MBD5: variants seen among roughly 807,000 people sequenced by gnomAD.
The protein encoded by MBD5 is methyl-CpG binding domain protein 5, also known as methyl-CpG-binding domain protein 5.
Under a neutral mutation model 117.3 loss-of-function variants are expected in MBD5, and 13 were observed. That is an observed-to-expected ratio of 0.11 (90% CI 0.07 to 0.18). The LOEUF (loss-of-function observed/expected upper bound fraction) is 0.18, where lower values mean the gene tolerates loss of function less well. MBD5 is among the 10% of genes least tolerant of loss of function. The pLI is 1.00. For synonymous variants in MBD5, 727 were observed against 766.4 expected (o/e 0.95, Z 0.85); for missense variants, 1,879 against 2,093.8 (o/e 0.90, Z 2.00).
chr2:148,134,293 T>C (rs551676513), intron 1 of MBD5, among the ~76,000 whole-genome samples: 7 of 152,304 alleles, frequency 4.6e-5, no homozygotes, highest in African/African-American at 1.7e-4. Context: ...CACCCATATA[T>C]ACATATATGT....
At chr2:148,396,097 C>T (rs1704706165) in intron 4 of MBD5, among the ~76,000 whole-genome samples, 1 of 152,158 alleles carries the variant, frequency 6.6e-6, no homozygotes, top group South Asian at 2.1e-4. Flanking sequence ...ACATTCTCAT[C>T]TCTCATTAAC....
chr2:148,400,489 C>A (rs1293640336), intron 4 of MBD5, among the ~76,000 whole-genome samples: 2 of 152,164 alleles, frequency 1.3e-5, no homozygotes, highest in African/African-American at 4.8e-5. Flanking sequence ...GATCCTAGCT[C>A]CCATTCCACC....
At chr2:148,350,164 A>G (rs1703217641) in intron 4 of MBD5, among the ~76,000 whole-genome samples, 1 of 151,968 alleles carries the variant, frequency 6.6e-6, no homozygotes, top group Non-Finnish European at 1.5e-5. Flanking sequence ...TGGGGCCTGT[A>G]ATCTCACCTA....
intron 3 of MBD5, among the ~76,000 whole-genome samples, chr2:148,308,830 A>G (rs551796109): frequency 1.3e-5 from 2 of 152,142 alleles, no homozygotes; most frequent in Admixed American, 6.5e-5. Context: ...TCATTTTTCT[A>G]TAAAGTGTAA....
intron 4 of MBD5, among the ~76,000 whole-genome samples, chr2:148,394,450 A>G (rs986055906): frequency 6.6e-6 from 1 of 150,466 alleles, no homozygotes; most frequent in African/African-American, 2.4e-5. Flanking sequence ...CTATCTTCAA[A>G]TATTTTAGTA....
chr2:148,380,080 C>T (rs1704092785), intron 4 of MBD5, among the ~76,000 whole-genome samples: 1 of 151,962 alleles, frequency 6.6e-6, no homozygotes, highest in African/African-American at 2.4e-5. Flanking sequence ...AAACACCAAC[C>T]AAAACAAAAC....
chr2:148,052,962 C>CAAA (rs780207792), intron 1 of MBD5, among the ~76,000 whole-genome samples: 72 of 102,638 alleles, frequency 7.0e-4, no homozygotes, highest in Admixed American at 6.9e-4. Context: ...GAGTTCGTCT[C>CAAA]AAAAAAAAAA....
chr2:148,212,325 T>A (rs1699443338), intron 2 of MBD5, among the ~76,000 whole-genome samples: 1 of 152,198 alleles, frequency 6.6e-6, no homozygotes, highest in African/African-American at 2.4e-5. Context: ...TTAAGTGGAA[T>A]CATACAATAC....
chr2:148,289,468 G>T (rs188188685), intron 3 of MBD5, among the ~76,000 whole-genome samples: 42 of 151,972 alleles, frequency 2.8e-4, no homozygotes, highest in African/African-American at 9.4e-4. Flanking sequence ...TACAACTCTT[G>T]GAAAACAACT....
chr2:148,045,974 CTTTTTTTTTTTTTTT>C (rs59672002), intron 1 of MBD5, among the ~76,000 whole-genome samples: 2 of 77,482 alleles, frequency 2.6e-5, no homozygotes, highest in African/African-American at 5.3e-5. Flanking sequence ...AATGAAGTGC[CTTTTTTTTTTTTTTT>C]TTTTTTTTTT....
chr2:148,059,566 G>A (rs1328711093), intron 1 of MBD5, among the ~76,000 whole-genome samples: 1 of 152,170 alleles, frequency 6.6e-6, no homozygotes, highest in Non-Finnish European at 1.5e-5. Flanking sequence ...TGTCGAAGGA[G>A]GCCGGGCGCG....
chr2:148,168,674 T>C (rs187894097), intron 1 of MBD5, among the ~76,000 whole-genome samples: 1 of 151,890 alleles, frequency 6.6e-6, no homozygotes, highest in Non-Finnish European at 1.5e-5. Flanking sequence ...GCCCAAGAGG[T>C]CAAGGCTGTG....
intron 3 of MBD5, among the ~76,000 whole-genome samples, chr2:148,271,014 A>G (rs1700973861): frequency 6.6e-6 from 1 of 152,212 alleles, no homozygotes; most frequent in South Asian, 2.1e-4. Context: ...AAAGATAGGA[A>G]TATGAGCTCA....
At chr2:148,352,994 A>G (rs1368928273) in intron 4 of MBD5, among the ~76,000 whole-genome samples, 2 of 152,116 alleles carry the variant, frequency 1.3e-5, no homozygotes, top group Non-Finnish European at 2.9e-5. Context: ...AATTTTACTC[A>G]AAAGACTTGG....
At chr2:148,188,391 A>G (rs80097391) in intron 2 of MBD5, among the ~76,000 whole-genome samples, 1,869 of 152,302 alleles carry the variant, frequency 0.012, 44 homozygotes, top group African/African-American at 0.042. Flanking sequence ...GATAAAGTAG[A>G]ATACTAGAGA....
chr2:148,086,983 G>A (rs993742595), intron 1 of MBD5, among the ~76,000 whole-genome samples: 3 of 152,132 alleles, frequency 2.0e-5, no homozygotes, highest in African/African-American at 7.2e-5. Context: ...AAAAATACAT[G>A]ATAGGTGATT....
chr2:148,457,922 C>T (rs562109706), intron 4 of MBD5, among the ~76,000 whole-genome samples: 2 of 152,060 alleles, frequency 1.3e-5, no homozygotes, highest in East Asian at 1.9e-4. Flanking sequence ...CTTATGTGTA[C>T]GTTTGTATGT....
intron 1 of MBD5, among the ~76,000 whole-genome samples, chr2:148,131,626 A>C (rs1574047628): frequency 6.6e-6 from 1 of 152,176 alleles, no homozygotes; most frequent in Non-Finnish European, 1.5e-5. Context: ...CCCAGGAGTT[A>C]AAGGGTGCAG....
At chr2:148,253,411 G>T (rs1241824165) in intron 3 of MBD5, among the ~76,000 whole-genome samples, 2 of 152,130 alleles carry the variant, frequency 1.3e-5, no homozygotes, top group Non-Finnish European at 2.9e-5. Flanking sequence ...GCAGTCAGTT[G>T]TAACTATATA....
Sources: allele counts gnomAD v4.1 joint callset (sites outside exome capture counted in the v4.1 genomes callset), GRCh38; gene constraint gnomAD v4.1.1; transcripts MANE v1.5; gene names NCBI Gene and HGNC (gene_info 2026-07-23, HGNC 2026-07-21).